UGGT2: variants seen among roughly 807,000 people sequenced by gnomAD.
UGGT2 encodes the protein UDP-glucose glycoprotein glucosyltransferase 2.
In UGGT2, 180 loss-of-function variants were observed where a neutral mutation model predicts 192.1. The ratio of observed to expected loss-of-function variants is 0.94; its 90% CI spans 0.83 to 1.06. The LOEUF (loss-of-function observed/expected upper bound fraction) is 1.06. UGGT2 is among the 50% of genes least tolerant of loss of function. UGGT2 has a pLI of 0.00. For missense variants in UGGT2, 1,849 were observed against 1,795.7 expected (o/e 1.03, Z -0.54); for synonymous variants, 580 against 591.0 (o/e 0.98, Z 0.27).
chr13:95,902,463 G>C (rs145052628), intron 21 of UGGT2, among the ~76,000 whole-genome samples: 2 of 152,060 alleles, frequency 1.3e-5, no homozygotes, highest in African/African-American at 4.8e-5. Context: ...TCTCATAAAC[G>C]ATCAATATGT....
chr13:95,960,408 T>C (rs1268908891), intron 12 of UGGT2, among the ~76,000 whole-genome samples: 1 of 152,144 alleles, frequency 6.6e-6, no homozygotes, highest in African/African-American at 2.4e-5. Context: ...TTGAATGACA[T>C]GTAAAATGTA....
chr13:95,914,092 T>G (rs557916245), intron 20 of UGGT2, among the ~76,000 whole-genome samples: 36 of 152,118 alleles, frequency 2.4e-4, no homozygotes, highest in African/African-American at 8.4e-4. Context: ...CACCAGGGCC[T>G]GTTGAGGGAT....
chr13:95,834,509 T>C (rs1239611928), intron 37 of UGGT2, among the ~76,000 whole-genome samples: 1 of 152,196 alleles, frequency 6.6e-6, no homozygotes, highest in Non-Finnish European at 1.5e-5. Context: ...GAGAGTATAA[T>C]GACATTCATA....
intron 16 of UGGT2, among the ~76,000 whole-genome samples, chr13:95,939,475 CCTT>C (rs1433418750): frequency 8.9e-6 from 1 of 112,968 alleles, no homozygotes; most frequent in Non-Finnish European, 1.8e-5. Flanking sequence ...TGAGTTGTTG[CCTT>C]TTTTTTTTTT....
intron 4 of UGGT2, among the ~76,000 whole-genome samples, chr13:96,017,834 A>G (rs751705796): frequency 6.6e-6 from 1 of 152,192 alleles, no homozygotes; most frequent in Non-Finnish European, 1.5e-5. Context: ...AACTTTAAAC[A>G]TACAGCTTTC....
chr13:96,049,142 T>A (rs887568249), intron 1 of UGGT2, among the ~76,000 whole-genome samples: 18 of 152,320 alleles, frequency 1.2e-4, no homozygotes, highest in Middle Eastern at 3.4e-3. Context: ...CATGATCAAG[T>A]GGGCTTCATC....
chr13:95,951,755 T>G (rs573517992), intron 12 of UGGT2, among the ~76,000 whole-genome samples: 19 of 152,192 alleles, frequency 1.2e-4, no homozygotes, highest in Non-Finnish European at 2.1e-4. Context: ...ATAAGCCAGC[T>G]TGGGGTTCAT....
chr13:96,014,443 A>C (rs910391497), intron 4 of UGGT2, among the ~76,000 whole-genome samples: 8 of 152,206 alleles, frequency 5.3e-5, no homozygotes, highest in African/African-American at 1.7e-4. Flanking sequence ...ACATATTCTA[A>C]ATCAAAATCA....
intron 23 of UGGT2, 139 bp from the exon 24 acceptor site, chr13:95,894,796 G>A (rs2047900495): frequency 7.9e-6 from 5 of 631,406 alleles, no homozygotes; most frequent in South Asian, 4.5e-5. Context: ...GGAGACCTAC[G>A]TATAATAGCA....
chr13:96,012,181 G>A (rs1331319248), intron 5 of UGGT2, among the ~76,000 whole-genome samples: 5 of 152,000 alleles, frequency 3.3e-5, no homozygotes, highest in Admixed American at 6.6e-5. Context: ...GCATATGATG[G>A]AGTAGAATAA....
intron 17 of UGGT2, among the ~76,000 whole-genome samples, chr13:95,932,790 A>G (rs753811111): frequency 1.3e-5 from 2 of 152,100 alleles, no homozygotes; most frequent in Non-Finnish European, 2.9e-5. Flanking sequence ...GAGGGTTTTT[A>G]TCATGAAGGG....
intron 24 of UGGT2, among the ~76,000 whole-genome samples, chr13:95,891,351 T>C (rs1274557980): frequency 6.6e-6 from 1 of 152,154 alleles, no homozygotes; most frequent in East Asian, 1.9e-4. Context: ...TAACTATTCA[T>C]ACTTTATTAA....
intron 3 of UGGT2, 99 bp downstream of exon 3, chr13:96,023,530 T>C: frequency 7.7e-7 from 1 of 1,294,976 alleles, no homozygotes; most frequent in Non-Finnish European, 1.0e-6. Flanking sequence ...AACTATAAAC[T>C]TGTAGATCAT....
At chr13:96,023,917 T>C (rs2052590092) in intron 2 of UGGT2, among the ~76,000 whole-genome samples, 158 bp from the exon 3 acceptor site, 1 of 152,228 alleles carries the variant, frequency 6.6e-6, no homozygotes, top group Admixed American at 6.5e-5. Flanking sequence ...ATCTCAGTTC[T>C]ATAATCAACT....
intron 29 of UGGT2, 117 bp downstream of exon 29, chr13:95,877,162 T>C (rs919851115): frequency 4.7e-5 from 40 of 847,036 alleles, no homozygotes; most frequent in Non-Finnish European, 6.6e-5. Flanking sequence ...GATTACAGGC[T>C]TGAGCCACTG....
At chr13:95,907,290 C>A (rs986353816) in intron 20 of UGGT2, among the ~76,000 whole-genome samples, 3 of 152,320 alleles carry the variant, frequency 2.0e-5, no homozygotes, top group African/African-American at 7.2e-5. Flanking sequence ...CGCAGCTCAG[C>A]GAGGCCTACT....
At chr13:95,834,038 T>C (rs1314043744) in intron 37 of UGGT2, among the ~76,000 whole-genome samples, 1 of 152,188 alleles carries the variant, frequency 6.6e-6, no homozygotes, top group Admixed American at 6.5e-5. Context: ...GGATTTCTTT[T>C]CCATAGTGAC....
intron 36 of UGGT2, among the ~76,000 whole-genome samples, chr13:95,838,628 G>A (rs1027049608): frequency 6.6e-6 from 1 of 151,950 alleles, no homozygotes; most frequent in Non-Finnish European, 1.5e-5. Flanking sequence ...AAAGAGCCCA[G>A]AAATAGAAAA....
At chr13:96,020,913 G>A (rs2139109056) in intron 4 of UGGT2, among the ~76,000 whole-genome samples, 1 of 152,270 alleles carries the variant, frequency 6.6e-6, no homozygotes, top group East Asian at 1.9e-4. Flanking sequence ...AGACTCCTGG[G>A]TCAAAGACAA....
Sources: gnomAD v4.1 joint callset for allele counts (sites outside exome capture counted in the v4.1 genomes callset) on GRCh38, gnomAD v4.1.1 for gene constraint, MANE v1.5 for transcripts, NCBI Gene and HGNC (gene_info 2026-07-23, HGNC 2026-07-21) for gene names.